CABIN1: variants seen among roughly 807,000 people sequenced by gnomAD.
The protein encoded by CABIN1 is calcineurin binding protein 1.
Under a neutral mutation model 227.7 loss-of-function variants are expected in CABIN1, and 133 were observed. The ratio of observed to expected loss-of-function variants is 0.58; its 90% CI spans 0.51 to 0.67. The LOEUF (loss-of-function observed/expected upper bound fraction) is 0.67. Ranked by LOEUF, CABIN1 falls within the 30% of genes least tolerant of loss-of-function variation. The probability of loss-of-function intolerance (pLI) is 0.00; values close to 1 mark genes in which losing one functional copy is unlikely to be tolerated. For missense variants in CABIN1, 2,408 were observed against 2,852.5 expected (o/e 0.84, Z 3.55); for synonymous variants, 1,086 against 1,155.1 (o/e 0.94, Z 1.21).
At chr22:24,082,707 T>C (rs909015332) in intron 19 of CABIN1, among the ~76,000 whole-genome samples, 24 of 152,254 alleles carry the variant, frequency 1.6e-4, no homozygotes, top group Middle Eastern at 3.2e-3. Context: ...GTTCACATCC[T>C]CTCTGATCCT....
chr22:24,105,087 T>A, intron 26 of CABIN1, among the ~76,000 whole-genome samples: 1 of 152,202 alleles, frequency 6.6e-6, no homozygotes, highest in East Asian at 1.9e-4. Flanking sequence ...GTCCAAGGGA[T>A]CTGAGCTGAG....
chr22:24,119,073 G>A (rs569271472), intron 27 of CABIN1, among the ~76,000 whole-genome samples: 199 of 152,356 alleles, frequency 1.3e-3, no homozygotes, highest in African/African-American at 3.6e-3. Flanking sequence ...CTGTGCCACC[G>A]TTCAGAGGGG....
chr22:24,173,836 A>C (rs1360956722), intron 34 of CABIN1, among the ~76,000 whole-genome samples: 1 of 152,146 alleles, frequency 6.6e-6, no homozygotes, highest in Non-Finnish European at 1.5e-5. Flanking sequence ...TCCATCTAAA[A>C]AAAACGAACT....
intron 24 of CABIN1, among the ~76,000 whole-genome samples, chr22:24,093,122 C>G (rs2041658501): frequency 6.6e-6 from 1 of 152,136 alleles, no homozygotes; most frequent in African/African-American, 2.4e-5. Flanking sequence ...GTGGAATTGC[C>G]AGGTTGTTTA....
intron 26 of CABIN1, among the ~76,000 whole-genome samples, chr22:24,100,857 G>C (rs1406612320): frequency 1.3e-5 from 2 of 152,216 alleles, no homozygotes; most frequent in Non-Finnish European, 2.9e-5. Context: ...CTTCGTTATG[G>C]GTATTAAACA....
rs764917075 is a variant in CABIN1 at position 24,178,122 on chromosome 22, G to A, written c.6589G>A (p.Val2197Ile). The A allele has an allele frequency of 3.7e-6, 6 of 1,613,716 alleles. No individual in the cohort carries two copies. The highest frequency in any genetic ancestry group is 1.6e-4 in the Middle Eastern group (1 of 6,082). Residue 2197 changes from valine to isoleucine, a missense_variant, in exon 37 of 37, where the codon GTC (valine) becomes ATC (isoleucine). By Grantham distance (29) the Val-to-Ile change is conservative (BLOSUM62 3). Transcript: ENST00000263119. ...GAGCCTATGCCAGCCAGCCCTGGAG[G>A]TCCTGGAGACATCCAGCCAGGAGTC... ...KESLCQPALEVLETSSQESSL... is the reference protein window; with the variant it reads ...KESLCQPALEILETSSQESSL...
chr22:24,030,813 C>T (rs2036440292), intron 1 of CABIN1, among the ~76,000 whole-genome samples: 1 of 151,998 alleles, frequency 6.6e-6, no homozygotes, highest in Non-Finnish European at 1.5e-5. Context: ...TTTTTTTCTC[C>T]AACTTGCCTA....
chr22:24,017,367 T>C (rs576122438), intron 1 of CABIN1, among the ~76,000 whole-genome samples: 29 of 152,324 alleles, frequency 1.9e-4, no homozygotes, highest in Non-Finnish European at 4.0e-4. Flanking sequence ...TTTTTAAGTG[T>C]GCCATTTTGT....
intron 24 of CABIN1, among the ~76,000 whole-genome samples, chr22:24,092,688 G>GTGTGTA (rs2041625234): frequency 2.5e-4 from 1 of 3,956 alleles, no homozygotes; most frequent in Non-Finnish European, 5.6e-4. Flanking sequence ...GATTATAAAA[G>GTGTGTA]TGTGTGTGTG....
intron 34 of CABIN1, 61 bp downstream of exon 34, chr22:24,172,056 C>G (rs927523945): frequency 1.3e-6 from 2 of 1,556,162 alleles, no homozygotes; most frequent in East Asian, 4.7e-5. Flanking sequence ...GTCCTCCCTG[C>G]GGGGAGAGTG....
intron 14 of CABIN1, 145 bp downstream of exon 14, chr22:24,063,291 G>C (rs1365397264): frequency 2.5e-6 from 2 of 815,920 alleles, no homozygotes; most frequent in African/African-American, 3.4e-5. Context: ...ACCTGCCCGG[G>C]CACTGGGCTT....
In CABIN1 at chr22:24,095,987, G is replaced by A. The variant is rs552874056; in HGVS notation, c.3843G>A (p.Gly1281=). The change falls in exon 25 of 37, where the codon GGG becomes GGA. Residue 1281 remains glycine, a synonymous_variant. Coordinates refer to ENST00000263119, the MANE Select transcript of CABIN1 (RefSeq NM_012295.4). ...ILKLLGKPDS[G]VGAEVLVNFM... ...AGCTCCTGGGGAAGCCCGATTCTGGGGTTGGTGCAGAGGTCCTGGTCAACT... is the reference window on the plus strand; with the variant it reads ...AGCTCCTGGGGAAGCCCGATTCTGGAGTTGGTGCAGAGGTCCTGGTCAACT... The A allele has an allele frequency of 6.2e-7, 1 of 1,614,118 alleles. No individual in the cohort carries two copies. The highest frequency in any genetic ancestry group is 2.2e-5 in the East Asian group (1 of 44,878).
intron 21 of CABIN1, 104 bp from the exon 22 acceptor site, chr22:24,084,902 G>T (rs2041051227): frequency 6.4e-7 from 1 of 1,565,012 alleles, no homozygotes; most frequent in Non-Finnish European, 8.8e-7. Context: ...TGAGGGGCAG[G>T]AGAGGCTGGA....
intron 19 of CABIN1, among the ~76,000 whole-genome samples, chr22:24,080,321 C>G (rs2040724095): frequency 6.6e-6 from 1 of 152,184 alleles, no homozygotes; most frequent in Admixed American, 6.5e-5. Context: ...TAGGGTTAAC[C>G]TACTCACGTA....
intron 28 of CABIN1, among the ~76,000 whole-genome samples, chr22:24,122,043 A>T (rs952333509): frequency 2.6e-5 from 4 of 152,008 alleles, no homozygotes; most frequent in African/African-American, 9.7e-5. Flanking sequence ...TTGAGTAGCG[A>T]TACGGGCCCC....
chr22:24,078,354 G>T (rs998005049), intron 19 of CABIN1, among the ~76,000 whole-genome samples: 3 of 152,204 alleles, frequency 2.0e-5, no homozygotes, highest in Admixed American at 1.3e-4. Flanking sequence ...AATTTCCCCA[G>T]AAATGCTTGC....
At chr22:24,056,472 G>C in intron 10 of CABIN1, 112 bp downstream of exon 10, 1 of 1,095,450 alleles carries the variant, frequency 9.1e-7, no homozygotes, top group Non-Finnish European at 1.4e-6. Context: ...CCTCCTCTGT[G>C]TTCCCATAAC....
chr22:24,060,247 G>C, intron 12 of CABIN1, 106 bp downstream of exon 12: 1 of 1,125,420 alleles, frequency 8.9e-7, no homozygotes. Context: ...GCATCTACTT[G>C]TGGGCCTGGA....
intron 34 of CABIN1, among the ~76,000 whole-genome samples, chr22:24,174,508 C>T (rs1056922530): frequency 1.3e-5 from 2 of 152,190 alleles, no homozygotes; most frequent in South Asian, 2.1e-4. Flanking sequence ...AGCTGACTTA[C>T]TCCCACGAAG....
Sources: gnomAD v4.1 joint callset for allele counts (sites outside exome capture counted in the v4.1 genomes callset) on GRCh38, gnomAD v4.1.1 for gene constraint, MANE v1.5 for transcripts, NCBI Gene and HGNC (gene_info 2026-07-23, HGNC 2026-07-21) for gene names.